Variants in GLIS1 observed in about 807,000 individuals in gnomAD.
The protein encoded by GLIS1 is zinc finger protein GLIS1.
In GLIS1, 24 loss-of-function variants were observed where a neutral mutation model predicts 63.8. That is an observed-to-expected ratio of 0.38 (90% CI 0.27 to 0.53). The LOEUF is 0.53. Among genes scored for constraint, GLIS1 ranks in the 20% least tolerant of loss-of-function variants. The probability of loss-of-function intolerance (pLI) is 0.85; values close to 1 mark genes in which losing one functional copy is unlikely to be tolerated. For synonymous variants in GLIS1, 450 were observed against 482.5 expected (o/e 0.93, Z 0.88); for missense variants, 1,036 against 1,074.1 (o/e 0.96, Z 0.50).
At chr1:53,566,716 A>G (rs774099649) in intron 4 of GLIS1, among the ~76,000 whole-genome samples, 6 of 152,134 alleles carry the variant, frequency 3.9e-5, no homozygotes, top group Non-Finnish European at 7.3e-5. Context: ...TGATTGTTTA[A>G]AAGTGTGTGG....
intron 4 of GLIS1, among the ~76,000 whole-genome samples, chr1:53,536,607 G>A (rs766065578): frequency 3.2e-4 from 49 of 152,100 alleles, no homozygotes; most frequent in Non-Finnish European, 5.4e-4. Flanking sequence ...AGTCAGTGAC[G>A]GAGCAGGAAT....
chr1:53,594,366 A>G lies in GLIS1; in HGVS notation c.1062T>C (p.Leu354=), dbSNP rs1645226890. 1.2e-6 allele frequency: 2 copies of G among 1,611,486 alleles called. No homozygotes were observed. The highest frequency in any genetic ancestry group is 1.7e-6 in the Non-Finnish European group (2 of 1,179,104). The part of the protein sequence containing the change: ...PLSQLPPGPS[L]GGLGLGLAGR... The stretch of plus-strand genomic sequence containing the variant: ...CTGCCAGGCCCAGCCCCAGGCCTCC[A>G]AGGCTTGGGCCAGGCGGCAACTGAG... The change falls in exon 4 of 11, where the codon CTT becomes CTC. Residue 354 remains leucine (L), a synonymous_variant. Coordinates refer to ENST00000628545, the MANE Select transcript of GLIS1 (RefSeq NM_001367484.1).
Position 53,738,922 on chromosome 1 carries a change from G to A in GLIS1, c.-43+183C>T, listed in dbSNP as rs1373931881. On this transcript the variant is annotated intron_variant, in intron 1 of 10. Coordinates refer to ENST00000628545, the MANE Select transcript of GLIS1 (RefSeq NM_001367484.1). ...CCACGCTCTCGCCACACGCGCGTGC[G>A]ATGGGGGCCGCGACAGAGCCTCCCT... 2.0e-5 allele frequency among the ~76,000 whole-genome samples: 3 copies of A among 152,284 alleles called. No individual in the cohort carries two copies. The East Asian group carries it at 5.8e-4, about 30-fold the overall frequency.
At chr1:53,729,465 G>A (rs887591823) in intron 2 of GLIS1, among the ~76,000 whole-genome samples, 2 of 152,240 alleles carry the variant, frequency 1.3e-5, no homozygotes. Context: ...ACGGAGGGAG[G>A]AGACAAGCAG....
intron 4 of GLIS1, among the ~76,000 whole-genome samples, chr1:53,584,379 C>T (rs1343608264): frequency 3.9e-5 from 6 of 152,206 alleles, no homozygotes; most frequent in Non-Finnish European, 7.3e-5. Flanking sequence ...AAAACCTTCA[C>T]GTGTGCTGTT....
chr1:53,577,974 T>C (rs1422309040), intron 4 of GLIS1, among the ~76,000 whole-genome samples: 3 of 152,168 alleles, frequency 2.0e-5, no homozygotes, highest in Non-Finnish European at 4.4e-5. Context: ...GATGCCATCC[T>C]GATCCCCCTA....
intron 4 of GLIS1, among the ~76,000 whole-genome samples, chr1:53,537,584 A>T (rs1644594030): frequency 6.6e-6 from 1 of 152,186 alleles, no homozygotes; most frequent in Non-Finnish European, 1.5e-5. Context: ...GCCACCACAA[A>T]CGGCTGGTAG....
At chr1:53,561,564 G>A (rs528360165) in intron 4 of GLIS1, among the ~76,000 whole-genome samples, 13 of 152,328 alleles carry the variant, frequency 8.5e-5, no homozygotes, top group East Asian at 1.9e-4. Flanking sequence ...AAACACTGCC[G>A]GAGAAGAGAC....
Position 53,716,279 on chromosome 1 carries a change from A to G in GLIS1, c.259+21527T>C, listed in dbSNP as rs117817277. On this transcript the variant is annotated intron_variant, in intron 2 of 10. Transcript: ENST00000628545. ...AGGGTAGGGGCCCAACAGTGAGAAC[A>G]ACAGGGGGAGAGGGAGGCAGAGGGT... Among the ~76,000 whole-genome samples the G allele has an allele frequency of 1.4e-3, 219 of 152,280 alleles. 5 individuals carry two copies. The East Asian group carries it at 0.036, about 25-fold the overall frequency.
At chr1:53,707,349 G>T (rs1570082155) in intron 2 of GLIS1, among the ~76,000 whole-genome samples, 1 of 152,180 alleles carries the variant, frequency 6.6e-6, no homozygotes, top group African/African-American at 2.4e-5. Flanking sequence ...CAGGATTCTT[G>T]CTATTAAAGA....
rs1645232146 is a variant in GLIS1 at position 53,594,582 on chromosome 1, G to C, written c.846C>G (p.Pro282=). The C allele has an allele frequency of 6.9e-6, 11 of 1,594,168 alleles. No homozygotes were observed. Among genetic ancestry groups the C allele is most frequent in the Non-Finnish European group, 9.4e-6 (11 of 1,166,732 alleles). ...GGCCCCCCAGATCTCCCGTCAGAGG[G>C]GGGCTCCGGAGTCCATTTACACAGG... The part of the protein sequence containing the change: ...LVTCVNGLRS[P]PLTGDLGGPS... Residue 282 remains proline, a synonymous_variant, in exon 4 of 11, where the codon CCC becomes CCG. Transcript: ENST00000628545.
At chr1:53,735,425 C>A (rs187867606) in intron 2 of GLIS1, among the ~76,000 whole-genome samples, 2 of 152,330 alleles carry the variant, frequency 1.3e-5, no homozygotes, top group Admixed American at 6.5e-5. Context: ...TTACCTCTCA[C>A]GCAAATGAAA....
chr1:53,686,205 T>C (rs1313770782), intron 2 of GLIS1, among the ~76,000 whole-genome samples: 1 of 152,144 alleles, frequency 6.6e-6, no homozygotes, highest in African/African-American at 2.4e-5. Context: ...TGAAGCTGGG[T>C]ACTCAGTAAA....
At chr1:53,631,712 G>T (rs1645653746) in intron 2 of GLIS1, among the ~76,000 whole-genome samples, 1 of 152,080 alleles carries the variant, frequency 6.6e-6, no homozygotes, top group Non-Finnish European at 1.5e-5. Flanking sequence ...CTTTTATATG[G>T]GGTGTTCAGG....
Position 53,586,662 on chromosome 1 carries a change from A to G in GLIS1, c.1320+7446T>C, listed in dbSNP as rs188087189. Among the ~76,000 whole-genome samples the G allele has an allele frequency of 5.3e-5, 8 of 152,344 alleles. No individual in the cohort carries two copies. The East Asian group carries it at 7.7e-4, about 15-fold the overall frequency. On this transcript the variant is annotated intron_variant, in intron 4 of 10. Transcript: ENST00000628545. ...AGAAGTCAAGCTATACTTGTACACA[A>G]TCACAGGCTGAGGGGTGGCAAAGCT...
Position 53,731,336 on chromosome 1 carries a change from G to A in GLIS1, c.259+6470C>T, listed in dbSNP as rs187735893. On this transcript the variant is annotated intron_variant, in intron 2 of 10. Transcript: ENST00000628545. ...GCCCTACGGAGGCAGAGTATCCCCT[G>A]TAAGTCGCACCTCAGCCTGTTGGCT... 3.9e-5 allele frequency among the ~76,000 whole-genome samples: 6 copies of A among 152,340 alleles called. No individual in the cohort carries two copies. In the East Asian group the frequency reaches 1.2e-3, roughly 29 times the overall value.
At chr1:53,576,076 C>T (rs924678739) in intron 4 of GLIS1, among the ~76,000 whole-genome samples, 6 of 152,112 alleles carry the variant, frequency 3.9e-5, no homozygotes, top group Admixed American at 3.9e-4. Flanking sequence ...AGATGCCCAC[C>T]GCCCCTTTCC....
In GLIS1 at chr1:53,539,546, A is replaced by ACC. The variant is rs71044475; in HGVS notation, c.1321-9596_1321-9595dup. On this transcript the variant is annotated intron_variant, in intron 4 of 10. Coordinates refer to ENST00000628545, the MANE Select transcript of GLIS1 (RefSeq NM_001367484.1). The surrounding 1 kb of genome is among the most constrained non-coding windows in gnomAD (Gnocchi z 5.0). ...CACACACACATACCACACGGTATAC[A>ACC]CCCCCCCACACACACTACACATCAT... Among the ~76,000 whole-genome samples, 44,866 of 146,142 alleles carry ACC rather than the reference A, an allele frequency of 0.31. 7,572 individuals carry two copies. Among genetic ancestry groups the ACC allele is most frequent in the Middle Eastern group, 0.4 (115 of 286 alleles).
In GLIS1 at chr1:53,737,893, G is replaced by C. The variant is rs1399761492; in HGVS notation, c.172C>G (p.Pro58Ala). ...TCGTGGGCGCGCGGTGGCGGCGCAG[G>C]CGGCCGGGCTAGCAGGTCCCGCGGG... ...RGPRDLLARP[P>A]APPPRAHDLL... Residue 58 changes from proline to alanine, a missense_variant, in exon 2 of 11, where the codon CCT becomes GCT. Coordinates refer to ENST00000628545, the MANE Select transcript of GLIS1 (RefSeq NM_001367484.1). The C allele has an allele frequency of 3.3e-6, 4 of 1,230,564 alleles. No individual in the cohort carries two copies. The highest frequency in any genetic ancestry group is 3.2e-5 in the East Asian group (1 of 31,654). 76.2% of individuals were successfully genotyped at this position (1,230,564 alleles called of 1,614,324 possible).
Sources: allele counts gnomAD v4.1 joint callset (sites outside exome capture counted in the v4.1 genomes callset), GRCh38; gene constraint gnomAD v4.1.1; non-coding constraint Gnocchi (gnomAD v3.1); transcripts MANE v1.5; gene names NCBI Gene and HGNC (gene_info 2026-07-23, HGNC 2026-07-21).